AMMECR1L: variants seen among roughly 807,000 people sequenced by gnomAD.
AMMECR1L encodes the protein AMMECR1 like, also known as AMMECR1-like protein.
A neutral mutation model predicts 36.8 loss-of-function variants in AMMECR1L; 4 were observed. The observed-to-expected ratio is 0.11, with a 90% CI of 0.05 to 0.25. The LOEUF (loss-of-function observed/expected upper bound fraction) is 0.25. Among genes scored for constraint, AMMECR1L ranks in the 10% least tolerant of loss-of-function variants. The pLI, the probability that AMMECR1L is intolerant of heterozygous loss-of-function variation, is 1.00. For missense variants in AMMECR1L, 232 were observed against 392.1 expected, an observed-to-expected ratio of 0.59 and a Z score of 3.45; for synonymous variants, 147 against 148.0, an observed-to-expected ratio of 0.99 and a Z score of 0.05.
rs1229478039 is a variant in AMMECR1L, at chr2:127,862,012, T to C, written c.*3082A>G. 1 of 152,674 alleles carries C rather than the reference T, an allele frequency of 6.5e-6. No individual in the cohort carries two copies. The highest frequency in any genetic ancestry group is 1.9e-4 in the East Asian group (1 of 5,206). The allele number at this position is 152,674 out of a possible 1,614,324, so 9.5% of individuals were successfully genotyped here. A position where few individuals can be genotyped will look rare whatever the true frequency, so the allele number is the denominator to read the frequency against. On this transcript the variant is annotated 3_prime_UTR_variant, in exon 8 of 8. Transcript: ENST00000272647. ...AAACCTTTCATGTTGAAAGGGTCTC[T>C]AACATGAGTTGTTTTATTATTATGA...
rs1286431014 is a variant in AMMECR1L, at chr2:127,869,636, G to T, written c.634-92C>A. On this transcript the variant is annotated intron_variant, in intron 5 of 7. Transcript: ENST00000272647. This position sits in a 1 kb window ranked among gnomAD's most constrained non-coding sequence, Gnocchi z 4.7. ...ATAAATCAACATTGTTCCCTGACCA[G>T]CTTAACACAGGCCTGGAAAAGGGAG... 26 of 1,059,300 alleles carry T rather than the reference G, an allele frequency of 2.5e-5. No homozygotes were observed. Among genetic ancestry groups the T allele is most frequent in the Non-Finnish European group, 2.9e-5 (20 of 687,646 alleles). The allele number at this position is 1,059,300 out of a possible 1,614,324, so 65.6% of individuals were successfully genotyped here. A position where few individuals can be genotyped will look rare whatever the true frequency, so the allele number is the denominator to read the frequency against.
chr2:127,875,753 G>T (rs916533452), intron 2 of AMMECR1L, among the ~76,000 whole-genome samples: 1 of 151,706 alleles, frequency 6.6e-6, no homozygotes, highest in African/African-American at 2.4e-5. Context: ...TGAAATAGGG[G>T]CTTCTCTCTT....
In AMMECR1L at chr2:127,865,288, T is replaced by C; in HGVS notation, c.822-83A>G. On this transcript the variant is annotated intron_variant, in intron 7 of 7. Transcript: ENST00000272647. The surrounding 1 kb of genome is among the most constrained non-coding windows in gnomAD (Gnocchi z 5.4). ...CACTCAGCAGAGAAAAACCAAAAGCTTATTCCACATTTTGAAAGAATAAAA... is the reference window on the plus strand; with the variant it reads ...CACTCAGCAGAGAAAAACCAAAAGCCTATTCCACATTTTGAAAGAATAAAA... 1.2e-6 allele frequency: 1 copy of C among 817,038 alleles called. No homozygotes were observed. Among genetic ancestry groups the C allele is most frequent in the Non-Finnish European group, 1.9e-6 (1 of 535,078 alleles). 50.6% of individuals were successfully genotyped at this position (817,038 alleles called of 1,614,324 possible). A position where few individuals can be genotyped will look rare whatever the true frequency, so the allele number is the denominator to read the frequency against.
intron 2 of AMMECR1L, among the ~76,000 whole-genome samples, chr2:127,882,897 CAGA>C (rs1028352548): frequency 6.7e-6 from 1 of 150,072 alleles, no homozygotes; most frequent in African/African-American, 2.5e-5. Context: ...TGACTGTGCC[CAGA>C]ATTTTTTTTT....
At chr2:127,872,326 C>T (rs905658029) in intron 3 of AMMECR1L, among the ~76,000 whole-genome samples, 1 of 152,178 alleles carries the variant, frequency 6.6e-6, no homozygotes, top group East Asian at 1.9e-4. Context: ...AGATTACAGG[C>T]ATGAGCCACC....
chr2:127,861,654 CTACAA>C lies in AMMECR1L; in HGVS notation c.*3435_*3439del, dbSNP rs1206162121. 1 of 152,258 alleles carries C rather than the reference CTACAA, an allele frequency of 6.6e-6. No homozygotes were observed. Among genetic ancestry groups the C allele is most frequent in the South Asian group, 2.1e-4 (1 of 4,832 alleles). The allele number at this position is 152,258 out of a possible 1,614,324, so 9.4% of individuals were successfully genotyped here. On this transcript the variant is annotated 3_prime_UTR_variant, in exon 8 of 8. Coordinates refer to ENST00000272647, the MANE Select transcript of AMMECR1L (RefSeq NM_001199140.2). ...ATTTTTATCCATTATGATTTATTCT[CTACAA>C]TACTTCGTTAAAGTGTTCAATGATT...
chr2:127,876,375 A>AG (rs1357884131), intron 2 of AMMECR1L, among the ~76,000 whole-genome samples: 1 of 147,166 alleles, frequency 6.8e-6, no homozygotes, highest in Non-Finnish European at 1.5e-5. Flanking sequence ...AAAAGGTGGT[A>AG]GGGGGGCGGT....
rs1428001646 is a variant in AMMECR1L at position 127,873,002 on chromosome 2, G to A, written c.407+826C>T. ...TTTGCCAACCTGACAGGCCTCCCAA[G>A]GGAAGAGGCTCCTTTTCTTCACACC... On this transcript the variant is annotated intron_variant, in intron 3 of 7. Coordinates refer to ENST00000272647, the MANE Select transcript of AMMECR1L (RefSeq NM_001199140.2). The surrounding 1 kb of genome is among the most constrained non-coding windows in gnomAD (Gnocchi z 5.2). 4 of 985,242 alleles carry A rather than the reference G, an allele frequency of 4.1e-6. No homozygotes were observed. The highest frequency in any genetic ancestry group is 1.2e-4 in the Admixed American group (2 of 16,246). The allele number at this position is 985,242 out of a possible 1,614,324, so 61.0% of individuals were successfully genotyped here.
chr2:127,870,980 T>C, intron 4 of AMMECR1L, 52 bp from the exon 5 acceptor site: 1 of 1,387,212 alleles, frequency 7.2e-7, no homozygotes. Flanking sequence ...CAGGAGCCAA[T>C]ATCAGGTGCC....
chr2:127,874,250 A>G lies in AMMECR1L; in HGVS notation c.-16T>C. ...TTTTTCCCATCCTGATTCAGTGCTC[A>G]AGGTCTGGAATGCTGCAGAACCCTA... is the stretch of plus-strand genomic sequence containing the variant. On this transcript the variant is annotated 5_prime_UTR_variant, in exon 3 of 8. Coordinates refer to ENST00000272647, the MANE Select transcript of AMMECR1L (RefSeq NM_001199140.2). This position sits in a 1 kb window ranked among gnomAD's most constrained non-coding sequence, Gnocchi z 5.2. 1 of 1,613,084 alleles carries G rather than the reference A, an allele frequency of 6.2e-7. No individual in the cohort carries two copies.
chr2:127,865,441 C>A lies in AMMECR1L; in HGVS notation c.822-236G>T, dbSNP rs1690640619. On this transcript the variant is annotated intron_variant, in intron 7 of 7. Transcript: ENST00000272647. This position sits in a 1 kb window ranked among gnomAD's most constrained non-coding sequence, Gnocchi z 5.4. ...CCCCGAGAATGTGTTTCAGCACATC[C>A]CACCTTGAAACACTACACGTGCTTA... Among the ~76,000 whole-genome samples the A allele has an allele frequency of 6.6e-6, 1 of 151,900 alleles. No homozygotes were observed. The highest frequency in any genetic ancestry group is 1.5e-5 in the Non-Finnish European group (1 of 67,976).
intron 6 of AMMECR1L, among the ~76,000 whole-genome samples, chr2:127,867,489 G>A (rs13421835): frequency 0.14 from 21,279 of 152,218 alleles, 1,901 homozygotes; most frequent in African/African-American, 0.25. Context: ...GCTCACACCT[G>A]TAATCCCAGC....
intron 2 of AMMECR1L, among the ~76,000 whole-genome samples, chr2:127,881,501 A>G (rs1691500589): frequency 6.6e-6 from 1 of 152,186 alleles, no homozygotes; most frequent in Admixed American, 6.5e-5. Context: ...TGAGGTTACA[A>G]TCTCAGCTCA....
At chr2:127,870,775 C>T in intron 5 of AMMECR1L, 39 bp downstream of exon 5, 1 of 1,531,424 alleles carries the variant, frequency 6.5e-7, no homozygotes, top group Non-Finnish European at 9.0e-7. Flanking sequence ...AACCCAAATG[C>T]AACGAGAGAT....
intron 1 of AMMECR1L, chr2:127,885,123 G>T: frequency 1.0e-6 from 1 of 985,080 alleles, no homozygotes; most frequent in Non-Finnish European, 1.2e-6. Context: ...GTGTCAGGTG[G>T]ACGGATCATG....
At chr2:127,880,768 C>G (rs1400607066) in intron 2 of AMMECR1L, among the ~76,000 whole-genome samples, 1 of 123,760 alleles carries the variant, frequency 8.1e-6, no homozygotes, top group Admixed American at 8.2e-5. Flanking sequence ...GCCCTACATA[C>G]AGTATACACA....
At chr2:127,867,923 A>C (rs1690770471) in intron 6 of AMMECR1L, among the ~76,000 whole-genome samples, 1 of 152,170 alleles carries the variant, frequency 6.6e-6, no homozygotes. Context: ...CCCAGGCTGA[A>C]GCGCAGTGGC....
chr2:127,873,238 A>G lies in AMMECR1L; in HGVS notation c.407+590T>C, dbSNP rs1016337578. On this transcript the variant is annotated intron_variant, in intron 3 of 7. Transcript: ENST00000272647. The surrounding 1 kb of genome is among the most constrained non-coding windows in gnomAD (Gnocchi z 5.2). ...GAATTCTTCAGTTTACTTTATACAT[A>G]TTGCTTATTTAAGTCACTGAGACCA... 1.9e-5 allele frequency: 19 copies of G among 985,366 alleles called. No homozygotes were observed. The highest frequency in any genetic ancestry group is 7.0e-5 in the African/African-American group (4 of 57,258). The allele number at this position is 985,366 out of a possible 1,614,324, so 61.0% of individuals were successfully genotyped here. A position where few individuals can be genotyped will look rare whatever the true frequency, so the allele number is the denominator to read the frequency against.
intron 2 of AMMECR1L, among the ~76,000 whole-genome samples, chr2:127,876,306 T>C (rs1461210451): frequency 7.0e-6 from 1 of 143,676 alleles, no homozygotes; most frequent in Admixed American, 7.2e-5. Flanking sequence ...GCTATGACCA[T>C]GCCACTGCAC....
Sources: allele counts gnomAD v4.1 joint callset (sites outside exome capture counted in the v4.1 genomes callset), GRCh38; gene constraint gnomAD v4.1.1; non-coding constraint Gnocchi (gnomAD v3.1); transcripts MANE v1.5; gene names NCBI Gene and HGNC (gene_info 2026-07-23, HGNC 2026-07-21).